The following PCDHAC1 variants were observed in gnomAD, a reference collection of about 807,000 sequenced individuals.
PCDHAC1 encodes protocadherin alpha-C1.
PCDHAC1 carries 42 observed loss-of-function variants against 60.0 expected under a neutral mutation model. The ratio of observed to expected loss-of-function variants is 0.70; its 90% confidence interval spans 0.55 to 0.90. The LOEUF (loss-of-function observed/expected upper bound fraction) is 0.90. Ranked by LOEUF, PCDHAC1 falls within the 40% of genes least tolerant of loss-of-function variation. The probability of loss-of-function intolerance (pLI) is 0.00; values close to 1 mark genes in which losing one functional copy is unlikely to be tolerated. For synonymous variants in PCDHAC1, 468 were observed against 499.3 expected (o/e 0.94, Z 0.84); for missense variants, 1,160 against 1,222.3 (o/e 0.95, Z 0.76).
chr5:140,975,380 G>A (rs1554236775), intron 1 of PCDHAC1, among the ~76,000 whole-genome samples: 2 of 152,220 alleles, frequency 1.3e-5, no homozygotes, highest in African/African-American at 4.8e-5. Flanking sequence ...GTAATCATGG[G>A]AATAAGATCC....
At chr5:140,938,881 A>T (rs2092243650) in intron 1 of PCDHAC1, among the ~76,000 whole-genome samples, 1 of 152,088 alleles carries the variant, frequency 6.6e-6, no homozygotes, top group South Asian at 2.1e-4. Context: ...GAAGCAACAC[A>T]CACACACACA....
At chr5:140,994,329 T>A (rs1041024319) in intron 3 of PCDHAC1, among the ~76,000 whole-genome samples, 2 of 152,096 alleles carry the variant, frequency 1.3e-5, no homozygotes, top group Non-Finnish European at 2.9e-5. Context: ...TCAGCAACCA[T>A]GAACAGTGGA....
At chr5:140,943,405 A>G (rs1030211474) in intron 1 of PCDHAC1, among the ~76,000 whole-genome samples, 2 of 152,164 alleles carry the variant, frequency 1.3e-5, no homozygotes, top group Non-Finnish European at 2.9e-5. Flanking sequence ...ATTTAAATTC[A>G]GACTAGAGGC....
At chr5:140,980,094 TA>T (rs1554241421) in intron 2 of PCDHAC1, among the ~76,000 whole-genome samples, 1 of 152,218 alleles carries the variant, frequency 6.6e-6, no homozygotes, top group African/African-American at 2.4e-5. Context: ...GTTGGCTTGG[TA>T]AGATGTCACA....
intron 1 of PCDHAC1, among the ~76,000 whole-genome samples, chr5:140,953,877 ACCCATCAC>A (rs1252251050): frequency 6.6e-6 from 1 of 152,098 alleles, no homozygotes; most frequent in Non-Finnish European, 1.5e-5. Context: ...GCACAGATCA[ACCCATCAC>A]CTAGGTATTA....
intron 3 of PCDHAC1, among the ~76,000 whole-genome samples, chr5:140,992,953 C>G (rs1377524442): frequency 5.9e-5 from 9 of 152,172 alleles, no homozygotes; most frequent in African/African-American, 2.2e-4. Flanking sequence ...ATTAAATCAC[C>G]CCTTATACTG....
In PCDHAC1 at chr5:140,944,201, G is replaced by T. The variant is rs1389405246; in HGVS notation, c.2433+14876G>T. Among the ~76,000 whole-genome samples, 5 of 152,034 alleles carry T rather than the reference G, an allele frequency of 3.3e-5. No homozygotes were observed. In the East Asian group the frequency reaches 9.6e-4, roughly 29 times the overall value. On this transcript the variant is annotated intron_variant, in intron 1 of 3. Coordinates refer to ENST00000253807, the MANE Select transcript of PCDHAC1 (RefSeq NM_018898.5). ...TTGTTGGTTTGTTTTGTTTTGTTTT[G>T]TTTTTAAAGAGGGTTTTACTCTGTC...
In PCDHAC1 at chr5:141,009,796, T is replaced by C; in HGVS notation, c.2751T>C (p.Thr917=). The C allele has an allele frequency of 6.2e-7, 1 of 1,614,046 alleles. No individual in the cohort carries two copies. The highest frequency in any genetic ancestry group is 8.5e-7 in the Non-Finnish European group (1 of 1,180,016). Residue 917 remains threonine (T), a synonymous_variant, in exon 4 of 4, where the codon ACT becomes ACC. Coordinates refer to ENST00000253807, the MANE Select transcript of PCDHAC1 (RefSeq NM_018898.5). ...PAIISIRQEP[T]NSQIDKSDFI... ...TCATCTCCATCCGGCAGGAGCCTACTAACAGCCAAATTGACAAAAGTGACT... is the reference window on the plus strand; with the variant it reads ...TCATCTCCATCCGGCAGGAGCCTACCAACAGCCAAATTGACAAAAGTGACT...
rs113297104 is a variant in PCDHAC1 at position 140,984,945 on chromosome 5, CT to C, written c.2581+2392del. On this transcript the variant is annotated intron_variant, in intron 3 of 3. Transcript: ENST00000253807. The stretch of plus-strand genomic sequence containing the variant: ...GACATATAGTTAATAAATGTCTAAT[CT>C]TTTTTTTTTGAGACAGAGTCTCGCT... Among the ~76,000 whole-genome samples the C allele has an allele frequency of 9.4e-3, 1,407 of 149,276 alleles. 15 individuals are homozygous for C. Among genetic ancestry groups the C allele is most frequent in the East Asian group, 0.044 (226 of 5,092 alleles).
intron 1 of PCDHAC1, among the ~76,000 whole-genome samples, chr5:140,936,745 T>C (rs2091123001): frequency 6.6e-6 from 1 of 152,234 alleles, no homozygotes; most frequent in Non-Finnish European, 1.5e-5. Context: ...ACTTTTCATT[T>C]GTATTGATAT....
intron 1 of PCDHAC1, among the ~76,000 whole-genome samples, chr5:140,965,879 G>A (rs920261632): frequency 6.6e-6 from 1 of 152,216 alleles, no homozygotes; most frequent in Non-Finnish European, 1.5e-5. Flanking sequence ...ACTTGGCCGA[G>A]AGCAGAATTG....
At chr5:140,970,082 G>C (rs1203003794) in intron 1 of PCDHAC1, among the ~76,000 whole-genome samples, 1 of 152,178 alleles carries the variant, frequency 6.6e-6, no homozygotes, top group Non-Finnish European at 1.5e-5. Context: ...TGGATTAGGG[G>C]TGTGGGGGGA....
At chr5:140,932,880 AT>A (rs1219080024) in intron 1 of PCDHAC1, among the ~76,000 whole-genome samples, 2 of 151,952 alleles carry the variant, frequency 1.3e-5, no homozygotes, top group Non-Finnish European at 2.9e-5. Context: ...TGTCTTCAAT[AT>A]TTTCAGTTAG....
rs892987704 is a variant in PCDHAC1, at chr5:140,988,405, C to A, written c.2581+5842C>A. Among the ~76,000 whole-genome samples, 31 of 152,248 alleles carry A rather than the reference C, an allele frequency of 2.0e-4. No individual in the cohort carries two copies. In the East Asian group the frequency reaches 5.6e-3, roughly 28 times the overall value. The stretch of plus-strand genomic sequence containing the variant: ...ATTGTGTTTGCCAGAGTTCTCTTCG[C>A]AGCTTATGTAAAGAATTTGTTTGTT... On this transcript the variant is annotated intron_variant, in intron 3 of 3. Transcript: ENST00000253807.
At chr5:140,961,458 G>A (rs1371131275) in intron 1 of PCDHAC1, among the ~76,000 whole-genome samples, 2 of 152,150 alleles carry the variant, frequency 1.3e-5, no homozygotes, top group Non-Finnish European at 2.9e-5. Context: ...TCTTGCAGCT[G>A]CCTTTCTTTT....
At chr5:140,943,257 CAA>C (rs1238620023) in intron 1 of PCDHAC1, among the ~76,000 whole-genome samples, 5 of 77,564 alleles carry the variant, frequency 6.4e-5, no homozygotes, top group Non-Finnish European at 2.5e-5. Flanking sequence ...GACTCTGTCT[CAA>C]AAAAAAAAAA....
intron 3 of PCDHAC1, among the ~76,000 whole-genome samples, chr5:140,993,190 CTCACTAAAGCTAATTTTTT>C (rs2097544277): frequency 6.6e-6 from 1 of 152,022 alleles, no homozygotes; most frequent in Non-Finnish European, 1.5e-5. Flanking sequence ...TAGAGGGAAA[CTCACTAAAGCTAATTTTTT>C]TAGCTTTTTG....
At chr5:140,931,269 C>T (rs1253190149) in intron 1 of PCDHAC1, among the ~76,000 whole-genome samples, 1 of 152,006 alleles carries the variant, frequency 6.6e-6, no homozygotes, top group Non-Finnish European at 1.5e-5. Context: ...CTATTTATTT[C>T]TTTTATTTTC....
intron 1 of PCDHAC1, chr5:140,967,438 C>T: frequency 6.2e-7 from 1 of 1,613,548 alleles, no homozygotes; most frequent in South Asian, 1.1e-5. Flanking sequence ...CCTTGCACCA[C>T]CTGGTTCTCA....
Sources: gnomAD v4.1 joint callset for allele counts (sites outside exome capture counted in the v4.1 genomes callset) on GRCh38, gnomAD v4.1.1 for gene constraint, MANE v1.5 for transcripts, NCBI Gene and HGNC (gene_info 2026-07-23, HGNC 2026-07-21) for gene names.